Variants in TARS3 observed in about 807,000 individuals in gnomAD.
TARS3 encodes threonine--tRNA ligase 2, cytoplasmic.
Under a neutral mutation model 103.5 loss-of-function variants are expected in TARS3, and 94 were observed. The ratio of observed to expected loss-of-function variants is 0.91; its 90% confidence interval spans 0.77 to 1.08. The LOEUF (loss-of-function observed/expected upper bound fraction) is 1.08, where lower values mean the gene tolerates loss of function less well. Ranked by LOEUF, TARS3 falls within the 50% of genes least tolerant of loss-of-function variation. The probability of loss-of-function intolerance (pLI) is 0.00; values close to 1 mark genes in which losing one functional copy is unlikely to be tolerated. For missense variants in TARS3, 952 were observed against 995.2 expected, an observed-to-expected ratio of 0.96 and a Z score of 0.58; for synonymous variants, 416 against 355.4, an observed-to-expected ratio of 1.17 and a Z score of -1.92.
Position 101,698,162 on chromosome 15 carries a change from C to A in TARS3, c.1320+2924G>T, listed in dbSNP as rs961333160. ...CCATCCTGGCTAACACAGGGAGACC[C>A]TGTCTCTACTAAAAATACAAAAAGC... On this transcript the variant is annotated intron_variant, in intron 10 of 18. Transcript: ENST00000335968. 8.6e-5 allele frequency among the ~76,000 whole-genome samples: 13 copies of A among 151,962 alleles called. No individual in the cohort carries two copies. In the South Asian group the frequency reaches 2.7e-3, roughly 32 times the overall value.
intron 1 of TARS3, 123 bp downstream of exon 1, chr15:101,723,968 G>A (rs900273484): frequency 1.7e-5 from 16 of 933,104 alleles, no homozygotes; most frequent in Middle Eastern, 3.7e-4. Flanking sequence ...CAGCCGCAGG[G>A]CACTGGGAGG....
intron 10 of TARS3, among the ~76,000 whole-genome samples, chr15:101,691,673 T>C (rs1898732263): frequency 6.6e-6 from 1 of 152,212 alleles, no homozygotes; most frequent in African/African-American, 2.4e-5. Flanking sequence ...ACCTTTTTTG[T>C]GTGTGTGACA....
Position 101,701,136 on chromosome 15 carries a change from A to G in TARS3, c.1270T>C (p.Phe424Leu). ...FHDLSPGSCF[F>L]LPRGAFIYNT... ...TAAATGAAGGCTCCTCTGGGAAGGA[A>G]AAAACAGCTTCCAGGACTCAAATCG... The change falls in exon 10 of 19, where the codon TTC (phenylalanine) becomes CTC (leucine). Residue 424 changes from phenylalanine to leucine, a missense_variant. This residue lies in a region of TARS3 where 540 missense variants were observed against 631.0 expected (regional missense o/e 0.86). Transcript: ENST00000335968. 1 of 1,599,408 alleles carries G rather than the reference A, an allele frequency of 6.3e-7. No individual in the cohort carries two copies.
chr15:101,724,284 T>C lies in TARS3; in HGVS notation c.104A>G (p.Glu35Gly). Residue 35 changes from glutamate to glycine, a missense_variant, in exon 1 of 19, where the codon GAG becomes GGG. By Grantham distance (98) the Glu-to-Gly change is moderately conservative. Coordinates refer to ENST00000335968, the MANE Select transcript of TARS3 (RefSeq NM_152334.3). ...GCAGCTGTAGGGCGCGTTCAGCTGC[T>C]CGTCCCTCAGGCGCTCGACCTCCGA... Reference protein sequence around the residue: ...LWSEVERLRDEQLNAPYSCQA... With the variant: ...LWSEVERLRDGQLNAPYSCQA... 1 of 1,574,646 alleles carries C rather than the reference T, an allele frequency of 6.4e-7. No individual in the cohort carries two copies. The highest frequency in any genetic ancestry group is 8.6e-7 in the Non-Finnish European group (1 of 1,166,806).
intron 6 of TARS3, 120 bp from the exon 7 acceptor site, chr15:101,705,867 G>A (rs1899533501): frequency 1.4e-5 from 12 of 840,794 alleles, no homozygotes; most frequent in South Asian, 3.1e-5. Context: ...GCTGAGACAC[G>A]AGGGATACAA....
chr15:101,701,069 T>C lies in TARS3; in HGVS notation c.1320+17A>G. 1.4e-6 allele frequency: 2 copies of C among 1,470,558 alleles called. No homozygotes were observed. The highest frequency in any genetic ancestry group is 9.2e-7 in the Non-Finnish European group (1 of 1,088,320). 91.1% of individuals were successfully genotyped at this position (1,470,558 alleles called of 1,614,324 possible). ...ACTGGAATTGAATAAGAATAAAACATTTTAAAGTTAACTTACTCGTATGAA... is the reference window on the plus strand; with the variant it reads ...ACTGGAATTGAATAAGAATAAAACACTTTAAAGTTAACTTACTCGTATGAA... On this transcript the variant is annotated intron_variant, in intron 10 of 18. Coordinates refer to ENST00000335968, the MANE Select transcript of TARS3 (RefSeq NM_152334.3).
At chr15:101,677,236 T>C (rs964911182) in intron 12 of TARS3, among the ~76,000 whole-genome samples, 2 of 152,208 alleles carry the variant, frequency 1.3e-5, no homozygotes, top group African/African-American at 2.4e-5. Context: ...ATCAGTGGAA[T>C]TGGTAAACAA....
intron 10 of TARS3, among the ~76,000 whole-genome samples, chr15:101,693,931 G>A (rs763227053): frequency 1.3e-5 from 2 of 152,140 alleles, no homozygotes; most frequent in Non-Finnish European, 2.9e-5. Flanking sequence ...TTTGAGGGGT[G>A]ACGGAACTGT....
intron 16 of TARS3, among the ~76,000 whole-genome samples, chr15:101,660,373 G>A (rs1004411960): frequency 6.6e-6 from 1 of 152,218 alleles, no homozygotes. Context: ...ATAACTGCTA[G>A]TAAAGCCACT....
intron 3 of TARS3, among the ~76,000 whole-genome samples, chr15:101,719,544 G>A (rs1303005284): frequency 6.6e-6 from 1 of 152,170 alleles, no homozygotes; most frequent in Non-Finnish European, 1.5e-5. Context: ...CATGTGGCTG[G>A]GCGGCCAAGG....
chr15:101,702,251 C>T lies in TARS3; in HGVS notation c.1209G>A (p.Arg403=), dbSNP rs1426457504. 2 of 1,614,192 alleles carry T rather than the reference C, an allele frequency of 1.2e-6. No homozygotes were observed. The highest frequency in any genetic ancestry group is 1.7e-6 in the Non-Finnish European group (2 of 1,180,028). Reference sequence around the variant, plus strand: ...ATGTGGGGCATACCTTCCCGATCTTCCTGTGATCTCGGTTCTTTGCTTCCT... The same window carrying T: ...ATGTGGGGCATACCTTCCCGATCTTTCTGTGATCTCGGTTCTTTGCTTCCT... ...FQEEAKNRDH[R]KIGKEQELFF... is the part of the protein sequence containing the mutation. The change falls in exon 9 of 19, where the codon AGG becomes AGA. Residue 403 remains arginine (R), a synonymous_variant. Coordinates refer to ENST00000335968, the MANE Select transcript of TARS3 (RefSeq NM_152334.3).
chr15:101,656,161 A>G, intron 18 of TARS3: 1 of 827,360 alleles, frequency 1.2e-6, no homozygotes, highest in South Asian at 1.5e-5. Flanking sequence ...ATTTAATTCT[A>G]CCTTTCATGT....
Position 101,702,327 on chromosome 15 carries a change from C to T in TARS3, c.1133G>A (p.Gly378Glu). 1 of 1,613,676 alleles carries T rather than the reference C, an allele frequency of 6.2e-7. No homozygotes were observed. ...PEMETLQRIY[G>E]ISFPDNKMMR... ...CATCTTGTTATCAGGAAAGGATATT[C>T]CATAGATCCTCTGCAATGTTTCCAT... The change falls in exon 9 of 19, where the codon GGA (glycine) becomes GAA (glutamate). Residue 378 changes from glycine to glutamate, a missense_variant. Around this residue, in one of 2 missense-constraint regions of TARS3, gnomAD observed 540 missense variants for 631.0 expected, o/e 0.86. Transcript: ENST00000335968.
At chr15:101,721,705 G>A (rs1900470904) in intron 2 of TARS3, among the ~76,000 whole-genome samples, 1 of 152,152 alleles carries the variant, frequency 6.6e-6, no homozygotes, top group African/African-American at 2.4e-5. Context: ...ATGTTGGCCA[G>A]GCTGGTCTCG....
chr15:101,671,515 C>G lies in TARS3; in HGVS notation c.1938G>C (p.Leu646=), dbSNP rs1341787509. 6.2e-7 allele frequency: 1 copy of G among 1,610,140 alleles called. No homozygotes were observed. The highest frequency in any genetic ancestry group is 1.7e-5 in the Admixed American group (1 of 59,996). Residue 646 remains leucine, a synonymous_variant, in exon 15 of 19, where the codon CTG becomes CTC. Coordinates refer to ENST00000335968, the MANE Select transcript of TARS3 (RefSeq NM_152334.3). Reference sequence around the variant, plus strand: ...CATATGTGAGATTAAATCTAATAGGCAGTTGGAAGTCCAGCTGAATTGTAG... The same window carrying G: ...CATATGTGAGATTAAATCTAATAGGGAGTTGGAAGTCCAGCTGAATTGTAG... The part of the protein sequence containing the change: ...QCATIQLDFQ[L]PIRFNLTYVS...
intron 10 of TARS3, among the ~76,000 whole-genome samples, chr15:101,696,209 T>TG (rs1898970174): frequency 3.7e-5 from 1 of 27,046 alleles, no homozygotes; most frequent in Non-Finnish European, 5.6e-5. Context: ...AGACTTTGTC[T>TG]CAAAAAAAAA....
intron 18 of TARS3, 125 bp downstream of exon 18, chr15:101,656,797 T>C: frequency 1.6e-6 from 1 of 641,096 alleles, no homozygotes; most frequent in Non-Finnish European, 2.7e-6. Flanking sequence ...GACTCTTCCT[T>C]TTGTGTAAGT....
chr15:101,708,229 G>A (rs1178049721), intron 6 of TARS3, among the ~76,000 whole-genome samples: 2 of 111,860 alleles, frequency 1.8e-5, no homozygotes, highest in Non-Finnish European at 3.3e-5. Context: ...CTGCACTCTA[G>A]CCTGGGAGGC....
At chr15:101,698,349 T>TA (rs1202903718) in intron 10 of TARS3, among the ~76,000 whole-genome samples, 2 of 149,982 alleles carry the variant, frequency 1.3e-5, no homozygotes, top group East Asian at 1.9e-4. Flanking sequence ...AAATAAAAAA[T>TA]AAAAAAATAC....
Sources: gnomAD v4.1 joint callset for allele counts (sites outside exome capture counted in the v4.1 genomes callset) on GRCh38, gnomAD v4.1.1 for gene constraint, gnomAD v4.1.1 regional missense constraint, MANE v1.5 for transcripts, NCBI Gene and HGNC (gene_info 2026-07-23, HGNC 2026-07-21) for gene names.